HS6ST3: variants seen among roughly 807,000 people sequenced by gnomAD.
HS6ST3 encodes the protein heparan sulfate 6-O-sulfotransferase 3.
HS6ST3 carries 12 observed loss-of-function variants against 36.7 expected under a neutral mutation model. The observed-to-expected ratio is 0.33, with a 90% CI of 0.21 to 0.53. HS6ST3 has a LOEUF of 0.53. Ranked by LOEUF, HS6ST3 falls within the 20% of genes least tolerant of loss-of-function variation. The pLI is 0.95. For synonymous variants in HS6ST3, 240 were observed against 257.5 expected, an observed-to-expected ratio of 0.93 and a Z score of 0.65; for missense variants, 584 against 640.9, an observed-to-expected ratio of 0.91 and a Z score of 0.96.
At chr13:96,155,055 AAGTT>A (rs1364998579) in intron 1 of HS6ST3, among the ~76,000 whole-genome samples, 2 of 152,176 alleles carry the variant, frequency 1.3e-5, no homozygotes, top group African/African-American at 4.8e-5. Context: ...GGAAATGGTT[AAGTT>A]AATCATTCAG....
chr13:96,525,835 A>G (rs972438725), intron 1 of HS6ST3, among the ~76,000 whole-genome samples: 3 of 152,222 alleles, frequency 2.0e-5, no homozygotes, highest in African/African-American at 7.2e-5. Context: ...GCATTGTGTT[A>G]GGCTCTGGTG....
intron 1 of HS6ST3, among the ~76,000 whole-genome samples, chr13:96,487,528 G>A (rs1365036882): frequency 6.6e-6 from 1 of 152,044 alleles, no homozygotes; most frequent in Admixed American, 6.6e-5. Context: ...TATTGATAGG[G>A]CTGGTATCGG....
intron 1 of HS6ST3, among the ~76,000 whole-genome samples, chr13:96,627,301 C>A (rs190779939): frequency 1.3e-5 from 2 of 151,934 alleles, no homozygotes; most frequent in African/African-American, 4.8e-5. Context: ...AGTTTTTCTC[C>A]TTTTATCTTT....
At chr13:96,447,821 T>C (rs573741299) in intron 1 of HS6ST3, among the ~76,000 whole-genome samples, 1 of 152,172 alleles carries the variant, frequency 6.6e-6, no homozygotes, top group Non-Finnish European at 1.5e-5. Context: ...CTTTGGAGCC[T>C]CCCCTCCCTC....
chr13:96,827,838 C>G (rs987920979), intron 1 of HS6ST3, among the ~76,000 whole-genome samples: 2 of 152,148 alleles, frequency 1.3e-5, no homozygotes, highest in African/African-American at 4.8e-5. Flanking sequence ...TGAAGATTTC[C>G]AGTGGAATGA....
chr13:96,364,058 G>GA (rs1234968022), intron 1 of HS6ST3, among the ~76,000 whole-genome samples: 1 of 151,946 alleles, frequency 6.6e-6, no homozygotes, highest in Non-Finnish European at 1.5e-5. Flanking sequence ...CATTCTTGAA[G>GA]AAAAAATAAT....
intron 1 of HS6ST3, among the ~76,000 whole-genome samples, chr13:96,742,187 C>T (rs968415955): frequency 6.6e-6 from 1 of 151,788 alleles, no homozygotes; most frequent in Non-Finnish European, 1.5e-5. Flanking sequence ...TATGTCACAC[C>T]CAAGCCAGTG....
At chr13:96,672,990 A>G (rs1303388261) in intron 1 of HS6ST3, among the ~76,000 whole-genome samples, 1 of 152,148 alleles carries the variant, frequency 6.6e-6, no homozygotes, top group Non-Finnish European at 1.5e-5. Flanking sequence ...AGAGCCTGAA[A>G]TTAGCAACAT....
At chr13:96,395,662 T>TG (rs375142103) in intron 1 of HS6ST3, among the ~76,000 whole-genome samples, 291 of 152,340 alleles carry the variant, frequency 1.9e-3, no homozygotes, top group African/African-American at 6.6e-3. Flanking sequence ...AAAACTATTT[T>TG]GGGGGGTCTG....
intron 1 of HS6ST3, among the ~76,000 whole-genome samples, chr13:96,757,597 G>C (rs1876865050): frequency 6.6e-6 from 1 of 152,052 alleles, no homozygotes; most frequent in South Asian, 2.1e-4. Flanking sequence ...AAATATGCTG[G>C]TAACGGTAAG....
Position 96,815,461 on chromosome 13 carries a change from G to A in HS6ST3, c.708-17029G>A, listed in dbSNP as rs114698308. On this transcript the variant is annotated intron_variant, in intron 1 of 1. Coordinates refer to ENST00000376705, the MANE Select transcript of HS6ST3 (RefSeq NM_153456.4). ...GTTAGAACTTCAACATCTTTTTTTC[G>A]GAACGGACACAATTCAACCCGTAAC... Among the ~76,000 whole-genome samples the A allele has an allele frequency of 5.5e-3, 829 of 152,082 alleles. 6 individuals carry two copies. The highest frequency in any genetic ancestry group is 0.018 in the African/African-American group (731 of 41,492).
At chr13:96,571,319 C>T (rs551307126) in intron 1 of HS6ST3, among the ~76,000 whole-genome samples, 23 of 152,162 alleles carry the variant, frequency 1.5e-4, no homozygotes, top group Non-Finnish European at 1.0e-4. Flanking sequence ...GGTTTTTCGT[C>T]GTATAGAAAG....
At chr13:96,504,950 C>T (rs969134740) in intron 1 of HS6ST3, among the ~76,000 whole-genome samples, 10 of 152,154 alleles carry the variant, frequency 6.6e-5, no homozygotes, top group African/African-American at 2.4e-4. Context: ...GGCTTCTCTT[C>T]CTGTCACTTT....
At chr13:96,759,889 T>C (rs1447998614) in intron 1 of HS6ST3, among the ~76,000 whole-genome samples, 1 of 152,034 alleles carries the variant, frequency 6.6e-6, no homozygotes, top group East Asian at 1.9e-4. Flanking sequence ...AATTACTCCT[T>C]ATTCCATAAT....
At chr13:96,702,380 T>C (rs1274595421) in intron 1 of HS6ST3, among the ~76,000 whole-genome samples, 1 of 152,358 alleles carries the variant, frequency 6.6e-6, no homozygotes, top group African/African-American at 2.4e-5. Flanking sequence ...ATGTCCAGAC[T>C]GGCTGGCCCT....
At chr13:96,617,464 A>G (rs2056478640) in intron 1 of HS6ST3, among the ~76,000 whole-genome samples, 1 of 152,232 alleles carries the variant, frequency 6.6e-6, no homozygotes, top group African/African-American at 2.4e-5. Context: ...TTGCATTTTA[A>G]GAGTCAGTCA....
intron 1 of HS6ST3, among the ~76,000 whole-genome samples, chr13:96,123,022 A>T (rs2053933714): frequency 6.6e-6 from 1 of 152,198 alleles, no homozygotes; most frequent in South Asian, 2.1e-4. Context: ...GTTTTACCCT[A>T]GGACTTGGTC....
chr13:96,641,751 A>T (rs1443749198), intron 1 of HS6ST3, among the ~76,000 whole-genome samples: 1 of 151,790 alleles, frequency 6.6e-6, no homozygotes, highest in African/African-American at 2.4e-5. Flanking sequence ...ATATCAACAT[A>T]GTTTCACTAG....
In HS6ST3 at chr13:96,493,347, A is replaced by AT. The variant is rs1027064086; in HGVS notation, c.708-339136dup. On this transcript the variant is annotated intron_variant, in intron 1 of 1. Transcript: ENST00000376705. ...ACTCTAAGATCTCTCTCAATAAAGC[A>AT]TTTTTTTAAAAAATCACAAGTTAAA... 6.6e-5 allele frequency among the ~76,000 whole-genome samples: 10 copies of AT among 152,252 alleles called. No homozygotes were observed. In the South Asian group the frequency reaches 1.0e-3, roughly 16 times the overall value.
Sources: allele counts gnomAD v4.1 joint callset (sites outside exome capture counted in the v4.1 genomes callset), GRCh38; gene constraint gnomAD v4.1.1; transcripts MANE v1.5; gene names NCBI Gene and HGNC (gene_info 2026-07-23, HGNC 2026-07-21).